Variants in TSC22D2 observed in about 807,000 individuals in gnomAD.
TSC22D2 encodes the protein TSC22 domain family member 2.
TSC22D2 carries 5 observed loss-of-function variants against 50.1 expected under a neutral mutation model. The ratio of observed to expected loss-of-function variants is 0.10; its 90% CI spans 0.05 to 0.21. TSC22D2 has a LOEUF of 0.21. Ranked by LOEUF, TSC22D2 falls within the 10% of genes least tolerant of loss-of-function variation. The probability of loss-of-function intolerance (pLI) is 1.00; values close to 1 mark genes in which losing one functional copy is unlikely to be tolerated. For synonymous variants in TSC22D2, 501 were observed against 450.1 expected (o/e 1.11, Z -1.43); for missense variants, 1,003 against 1,015.5 (o/e 0.99, Z 0.17).
chr3:150,458,645 T>C lies in TSC22D2; in HGVS notation c.*9T>C. 1 of 1,610,398 alleles carries C rather than the reference T, an allele frequency of 6.2e-7. No homozygotes were observed. The highest frequency in any genetic ancestry group is 8.5e-7 in the Non-Finnish European group (1 of 1,178,356). ...ATGTCTCCTCAGCATAAAGCTTTCT[T>C]AAGCCTCATTAAGAAAAAAACTGAA... On this transcript the variant is annotated 3_prime_UTR_variant, in exon 3 of 3. Transcript: ENST00000688009.
intron 1 of TSC22D2, among the ~76,000 whole-genome samples, chr3:150,442,550 A>G (rs1329491151): frequency 1.3e-5 from 2 of 152,248 alleles, no homozygotes; most frequent in Non-Finnish European, 2.9e-5. Context: ...TATTACGGCA[A>G]GTTATTAGGT....
intron 1 of TSC22D2, among the ~76,000 whole-genome samples, chr3:150,440,126 C>G (rs920330061): frequency 6.6e-6 from 1 of 152,154 alleles, no homozygotes; most frequent in Non-Finnish European, 1.5e-5. Context: ...GTAACTTGCT[C>G]AAGTCGCATA....
intron 1 of TSC22D2, among the ~76,000 whole-genome samples, chr3:150,412,180 G>C (rs1719599762): frequency 6.6e-6 from 1 of 151,972 alleles, no homozygotes; most frequent in Non-Finnish European, 1.5e-5. Context: ...GGTTTAGTGA[G>C]GATTTTTGTG....
chr3:150,409,531 G>C lies in TSC22D2; in HGVS notation c.181G>C (p.Glu61Gln). ...VSRATDYGPEEVCERSSSEET... is the reference protein window; with the variant it reads ...VSRATDYGPEQVCERSSSEET... ...TCGGGCCACGGATTATGGCCCTGAG[G>C]AGGTCTGCGAGCGCAGCTCTTCCGA... The change falls in exon 1 of 3, where the codon GAG (glutamate) becomes CAG (glutamine). Residue 61 changes from glutamate to glutamine, a missense_variant. Coordinates refer to ENST00000688009, the MANE Select transcript of TSC22D2 (RefSeq NM_001303264.2). This position sits in a 1 kb window ranked among gnomAD's most constrained non-coding sequence, Gnocchi z 7.4. 6.2e-7 allele frequency: 1 copy of C among 1,607,922 alleles called. No individual in the cohort carries two copies. The highest frequency in any genetic ancestry group is 8.5e-7 in the Non-Finnish European group (1 of 1,175,280).
chr3:150,443,142 A>G (rs1392896306), intron 1 of TSC22D2, among the ~76,000 whole-genome samples: 1 of 152,210 alleles, frequency 6.6e-6, no homozygotes, highest in African/African-American at 2.4e-5. Context: ...GTTGTCATCC[A>G]GCCTCTGAAT....
intron 1 of TSC22D2, chr3:150,423,079 C>T: frequency 6.2e-7 from 1 of 1,613,104 alleles, no homozygotes; most frequent in Non-Finnish European, 8.5e-7. Context: ...ACCAAGCGTT[C>T]CATTTGAACA....
Position 150,409,480 on chromosome 3 carries a change from G to T in TSC22D2, c.130G>T (p.Val44Phe). 2 of 1,613,316 alleles carry T rather than the reference G, an allele frequency of 1.2e-6. No homozygotes were observed. Among genetic ancestry groups the T allele is most frequent in the Non-Finnish European group, 1.7e-6 (2 of 1,179,784 alleles). ...CCCGGACGAGTCACGCACAGAGGAC[G>T]TCTCCTCCGAGATTTTCGACGTCTC... ...DDPDESRTED[V>F]SSEIFDVSRA... The change falls in exon 1 of 3, where the codon GTC becomes TTC. Residue 44 changes from valine to phenylalanine, a missense_variant. Val to Phe is a conservative substitution (Grantham distance 50). Coordinates refer to ENST00000688009, the MANE Select transcript of TSC22D2 (RefSeq NM_001303264.2). This position sits in a 1 kb window ranked among gnomAD's most constrained non-coding sequence, Gnocchi z 7.4.
rs1576537377 is a variant in TSC22D2 at position 150,409,735 on chromosome 3, C to T, written c.385C>T (p.Pro129Ser). ...STLAAAATSA[P>S]APGAPGGPQL... ...CCTGGCGGCGGCTGCCACTTCGGCC[C>T]CCGCCCCCGGAGCACCCGGCGGCCC... The change falls in exon 1 of 3, where the codon CCC becomes TCC. Residue 129 changes from proline to serine, a missense_variant. Physicochemically the swap from Pro to Ser is moderately conservative, Grantham distance 74. Coordinates refer to ENST00000688009, the MANE Select transcript of TSC22D2 (RefSeq NM_001303264.2). The surrounding 1 kb of genome is among the most constrained non-coding windows in gnomAD (Gnocchi z 7.4). 9 of 1,601,138 alleles carry T rather than the reference C, an allele frequency of 5.6e-6. No homozygotes were observed. The East Asian group carries it at 1.3e-4, about 24-fold the overall frequency.
At position 150,408,426 on chromosome 3, in the gene TSC22D2, TC is replaced by T. The variant is rs1470179928; in HGVS notation, c.-924del. 3.9e-5 allele frequency: 6 copies of T among 152,614 alleles called. No individual in the cohort carries two copies. The highest frequency in any genetic ancestry group is 1.4e-4 in the African/African-American group (6 of 41,452). The allele number at this position is 152,614 out of a possible 1,614,324, so 9.5% of individuals were successfully genotyped here. ...TTCAGCAGTTTGAATTTCAGTTTCT[TC>T]GGGGTTTAGGAATTGGGCGCACCGA... is the stretch of plus-strand genomic sequence containing the variant. On this transcript the variant is annotated 5_prime_UTR_variant, in exon 1 of 3. Coordinates refer to ENST00000688009, the MANE Select transcript of TSC22D2 (RefSeq NM_001303264.2).
chr3:150,427,774 C>G (rs1444424929), intron 1 of TSC22D2, among the ~76,000 whole-genome samples: 2 of 151,984 alleles, frequency 1.3e-5, no homozygotes, highest in Admixed American at 1.3e-4. Flanking sequence ...TCCCTCCCTC[C>G]CTCTTTCCTT....
chr3:150,409,503 C>G lies in TSC22D2; in HGVS notation c.153C>G (p.Val51=). Residue 51 remains valine, a synonymous_variant, in exon 1 of 3, where the codon GTC becomes GTG. Transcript: ENST00000688009. The surrounding 1 kb of genome is among the most constrained non-coding windows in gnomAD (Gnocchi z 7.4). The part of the protein sequence containing the change: ...TEDVSSEIFD[V]SRATDYGPEE... ...ACGTCTCCTCCGAGATTTTCGACGTCTCTCGGGCCACGGATTATGGCCCTG... is the reference window on the plus strand; with the variant it reads ...ACGTCTCCTCCGAGATTTTCGACGTGTCTCGGGCCACGGATTATGGCCCTG... The G allele has an allele frequency of 6.2e-7, 1 of 1,613,258 alleles. No individual in the cohort carries two copies. Among genetic ancestry groups the G allele is most frequent in the Non-Finnish European group, 8.5e-7 (1 of 1,179,644 alleles).
intron 1 of TSC22D2, among the ~76,000 whole-genome samples, chr3:150,413,449 A>C (rs1719666127): frequency 6.6e-6 from 1 of 151,966 alleles, no homozygotes; most frequent in Non-Finnish European, 1.5e-5. Context: ...TTAACTTGAC[A>C]TGCTAGTTTC....
At position 150,413,864 on chromosome 3, in the gene TSC22D2, GTAAA is replaced by G. The variant is rs574551989; in HGVS notation, c.1958+2560_1958+2563del. ...AATTTCAGATCCTAAGGAAATATTT[GTAAA>G]TAAGATATATGCTTTTTTTAAAAAA... On this transcript the variant is annotated intron_variant, in intron 1 of 2. Transcript: ENST00000688009. Among the ~76,000 whole-genome samples the G allele has an allele frequency of 2.1e-5, 3 of 144,338 alleles. No individual in the cohort carries two copies. In the South Asian group the frequency reaches 6.6e-4, roughly 32 times the overall value. 94.7% of individuals were successfully genotyped at this position (144,338 alleles called of 152,430 possible). A position where few individuals can be genotyped will look rare whatever the true frequency, so the allele number is the denominator to read the frequency against.
chr3:150,410,720 T>G lies in TSC22D2; in HGVS notation c.1370T>G (p.Val457Gly). The change falls in exon 1 of 3, where the codon GTG (valine) becomes GGG (glycine). Residue 457 changes from valine to glycine, a missense_variant. By Grantham distance (109) the Val-to-Gly change is moderately radical. Coordinates refer to ENST00000688009, the MANE Select transcript of TSC22D2 (RefSeq NM_001303264.2). ...GQVAPCQPTG[V>G]PPATVGGVVQ... The stretch of plus-strand genomic sequence containing the variant: ...GTCGCGCCTTGTCAGCCGACTGGAG[T>G]GCCCCCGGCTACTGTGGGAGGCGTG... 1.3e-6 allele frequency: 2 copies of G among 1,588,690 alleles called. No homozygotes were observed. The highest frequency in any genetic ancestry group is 1.7e-6 in the Non-Finnish European group (2 of 1,168,452).
At chr3:150,431,241 A>G (rs2108079002) in intron 1 of TSC22D2, among the ~76,000 whole-genome samples, 1 of 150,536 alleles carries the variant, frequency 6.6e-6, no homozygotes, top group East Asian at 1.9e-4. Flanking sequence ...AAAAAAAAAA[A>G]AAAAAAAAAA....
intron 1 of TSC22D2, among the ~76,000 whole-genome samples, chr3:150,452,593 A>AGG (rs1721078201): frequency 6.6e-6 from 1 of 152,218 alleles, no homozygotes. Flanking sequence ...GAAACCTAGG[A>AGG]GGAAAAGCTG....
At chr3:150,429,999 C>T (rs576449958) in intron 1 of TSC22D2, among the ~76,000 whole-genome samples, 3 of 152,198 alleles carry the variant, frequency 2.0e-5, no homozygotes, top group Non-Finnish European at 2.9e-5. Context: ...TAATTAAATA[C>T]TAGAAGAAAC....
At chr3:150,440,442 A>AATATAT (rs1720679645) in intron 1 of TSC22D2, among the ~76,000 whole-genome samples, 1 of 148,350 alleles carries the variant, frequency 6.7e-6, no homozygotes, top group African/African-American at 2.5e-5. Flanking sequence ...AATATAAGCA[A>AATATAT]ATATATGTGT....
chr3:150,422,729 G>T (rs1560082497), intron 1 of TSC22D2, among the ~76,000 whole-genome samples: 1 of 152,320 alleles, frequency 6.6e-6, no homozygotes, highest in East Asian at 1.9e-4. Flanking sequence ...TGATATAGAA[G>T]AGTGTTGATT....
Sources: gnomAD v4.1 joint callset for allele counts (sites outside exome capture counted in the v4.1 genomes callset) on GRCh38, gnomAD v4.1.1 for gene constraint, Gnocchi (gnomAD v3.1) non-coding constraint, MANE v1.5 for transcripts, NCBI Gene and HGNC (gene_info 2026-07-23, HGNC 2026-07-21) for gene names.